PRKN: variants seen among roughly 807,000 people sequenced by gnomAD.
PRKN encodes parkin RBR E3 ubiquitin protein ligase.
Under a neutral mutation model 59.5 loss-of-function variants are expected in PRKN, and 56 were observed. The ratio of observed to expected loss-of-function variants is 0.94; its 90% CI spans 0.76 to 1.18. The LOEUF is 1.18. Among genes scored for constraint, PRKN ranks in the 50% most tolerant of loss-of-function variants. The pLI, the probability that PRKN is intolerant of heterozygous loss-of-function variation, is 0.00. For missense variants in PRKN, 657 were observed against 596.4 expected (o/e 1.10, Z -1.06); for synonymous variants, 250 against 222.1 (o/e 1.13, Z -1.12).
intron 2 of PRKN, among the ~76,000 whole-genome samples, chr6:162,345,007 C>A (rs2128129319): frequency 6.6e-6 from 1 of 152,296 alleles, no homozygotes; most frequent in African/African-American, 2.4e-5. Flanking sequence ...TTTCCTAGGA[C>A]AAGACCGCAG....
At chr6:161,821,869 C>T (rs1412473066) in intron 6 of PRKN, among the ~76,000 whole-genome samples, 1 of 151,636 alleles carries the variant, frequency 6.6e-6, no homozygotes. Context: ...CTGCCTCAGC[C>T]TCCCCAGTAG....
chr6:162,558,336 T>TTTC (rs1449188496), intron 1 of PRKN, among the ~76,000 whole-genome samples: 37 of 151,010 alleles, frequency 2.5e-4, no homozygotes, highest in African/African-American at 8.5e-4. Flanking sequence ...CCTTTTTTTT[T>TTTC]TTTTTTTTCT....
At chr6:162,623,002 C>CA (rs755585657) in intron 1 of PRKN, among the ~76,000 whole-genome samples, 8 of 151,864 alleles carry the variant, frequency 5.3e-5, no homozygotes, top group South Asian at 2.1e-4. Flanking sequence ...CAAAAACAAA[C>CA]AAAAAAAACC....
At chr6:161,654,409 C>T (rs1029365900) in intron 7 of PRKN, among the ~76,000 whole-genome samples, 6 of 152,066 alleles carry the variant, frequency 3.9e-5, no homozygotes, top group Admixed American at 1.3e-4. Flanking sequence ...TCCGGGAGGA[C>T]GCACTGATGA....
chr6:161,512,686 T>G (rs994703218), intron 9 of PRKN, among the ~76,000 whole-genome samples: 1 of 152,110 alleles, frequency 6.6e-6, no homozygotes, highest in East Asian at 1.9e-4. Context: ...TGTTGTGAGA[T>G]GATTGTTCTA....
intron 4 of PRKN, among the ~76,000 whole-genome samples, chr6:162,065,787 T>C (rs776309759): frequency 6.6e-6 from 1 of 152,152 alleles, no homozygotes; most frequent in Non-Finnish European, 1.5e-5. Context: ...CATCTCATTG[T>C]TCAATTCCCA....
At chr6:162,415,192 G>A (rs56681491) in intron 2 of PRKN, among the ~76,000 whole-genome samples, 83,068 of 151,486 alleles carry the variant, frequency 0.55, 23,704 homozygotes, top group African/African-American at 0.71. Context: ...AATTGGTTGT[G>A]CCTACGCAAA....
chr6:162,008,816 G>A (rs1385345010), intron 5 of PRKN, among the ~76,000 whole-genome samples: 4 of 152,016 alleles, frequency 2.6e-5, no homozygotes, highest in Non-Finnish European at 5.9e-5. Flanking sequence ...TATTTGAAGG[G>A]GATTTTAACA....
intron 6 of PRKN, among the ~76,000 whole-genome samples, chr6:161,833,918 A>G (rs1792627530): frequency 6.6e-6 from 1 of 152,140 alleles, no homozygotes. Flanking sequence ...TAGCAACTTA[A>G]AGGAACTCAT....
intron 5 of PRKN, among the ~76,000 whole-genome samples, chr6:162,044,995 C>T (rs1158184450): frequency 2.0e-5 from 3 of 152,206 alleles, no homozygotes; most frequent in Admixed American, 6.5e-5. Flanking sequence ...TTTGCCTACA[C>T]GTCTCACTCC....
At chr6:161,710,847 T>TCTTCC (rs1257430451) in intron 7 of PRKN, among the ~76,000 whole-genome samples, 3 of 51,590 alleles carry the variant, frequency 5.8e-5, no homozygotes, top group South Asian at 1.0e-3. Flanking sequence ...CCCCTTTCCT[T>TCTTCC]CTTCCCTTCC....
At chr6:161,684,215 T>G (rs1039688894) in intron 7 of PRKN, among the ~76,000 whole-genome samples, 1 of 152,014 alleles carries the variant, frequency 6.6e-6, no homozygotes, top group Non-Finnish European at 1.5e-5. Context: ...AAAATTTATT[T>G]AAAAAAAATT....
intron 1 of PRKN, among the ~76,000 whole-genome samples, chr6:162,681,670 G>C (rs995619618): frequency 6.6e-6 from 1 of 152,106 alleles, no homozygotes; most frequent in East Asian, 1.9e-4. Context: ...CTGATTGATT[G>C]CATAAAGCAT....
intron 7 of PRKN, among the ~76,000 whole-genome samples, chr6:161,630,730 C>G (rs1783272394): frequency 6.6e-6 from 1 of 152,038 alleles, no homozygotes; most frequent in African/African-American, 2.4e-5. Context: ...GTTTGTCCCC[C>G]ACCATGTCTA....
intron 6 of PRKN, among the ~76,000 whole-genome samples, chr6:161,898,514 C>T (rs147727248): frequency 6.6e-6 from 1 of 152,284 alleles, no homozygotes; most frequent in African/African-American, 2.4e-5. Flanking sequence ...GAGGCACATA[C>T]AATTTGTGCT....
intron 2 of PRKN, among the ~76,000 whole-genome samples, chr6:162,346,152 TG>T (rs1427092958): frequency 6.6e-6 from 1 of 152,208 alleles, no homozygotes; most frequent in African/African-American, 2.4e-5. Context: ...GGTATTCTGT[TG>T]TAACAACATA....
At chr6:162,013,123 C>T (rs758123796) in intron 5 of PRKN, among the ~76,000 whole-genome samples, 6 of 152,008 alleles carry the variant, frequency 3.9e-5, no homozygotes, top group Non-Finnish European at 8.8e-5. Flanking sequence ...ATCAATCCTT[C>T]TACATGTGGA....
chr6:161,402,999 C>T lies in PRKN; in HGVS notation c.1084-16122G>A, dbSNP rs957601403. On this transcript the variant is annotated intron_variant, in intron 9 of 11. Transcript: ENST00000366898. The surrounding 1 kb of genome is among the most constrained non-coding windows in gnomAD (Gnocchi z 4.5). ...AGAAGCTAGTTCAGAGAAAGGCCCTCCCCGAATTTGCTGTTCCCCAAGTGT... is the reference window on the plus strand; with the variant it reads ...AGAAGCTAGTTCAGAGAAAGGCCCTTCCCGAATTTGCTGTTCCCCAAGTGT... 6.6e-6 allele frequency among the ~76,000 whole-genome samples: 1 copy of T among 152,060 alleles called. No homozygotes were observed. Among genetic ancestry groups the T allele is most frequent in the African/African-American group, 2.4e-5 (1 of 41,412 alleles).
At chr6:161,680,008 C>T (rs1013452742) in intron 7 of PRKN, among the ~76,000 whole-genome samples, 1 of 152,042 alleles carries the variant, frequency 6.6e-6, no homozygotes, top group African/African-American at 2.4e-5. Flanking sequence ...CCCGCCTCAG[C>T]GTCCCAAAGT....
Sources: gnomAD v4.1 joint callset for allele counts (sites outside exome capture counted in the v4.1 genomes callset) on GRCh38, gnomAD v4.1.1 for gene constraint, Gnocchi (gnomAD v3.1) non-coding constraint, MANE v1.5 for transcripts, NCBI Gene and HGNC (gene_info 2026-07-23, HGNC 2026-07-21) for gene names.